The following SCN3A variants were observed in gnomAD, a reference collection of about 807,000 sequenced individuals.
SCN3A encodes sodium voltage-gated channel alpha subunit 3, also known as sodium channel protein type 3 subunit alpha.
Under a neutral mutation model 187.6 loss-of-function variants are expected in SCN3A, and 60 were observed. The ratio of observed to expected loss-of-function variants is 0.32; its 90% CI spans 0.26 to 0.40. The LOEUF is 0.40. Among genes scored for constraint, SCN3A ranks in the 10% least tolerant of loss-of-function variants. The pLI is 1.00. For missense variants in SCN3A, 1,601 were observed against 2,428.2 expected, an observed-to-expected ratio of 0.66 and a Z score of 7.16; for synonymous variants, 788 against 829.2, an observed-to-expected ratio of 0.95 and a Z score of 0.85.
At chr2:165,174,613 A>G (rs151054831) in intron 3 of SCN3A, among the ~76,000 whole-genome samples, 1,797 of 152,302 alleles carry the variant, frequency 0.012, 29 homozygotes, top group Middle Eastern at 0.044. Context: ...ACTTTTAATC[A>G]TAGCAGAGTA....
intron 6 of SCN3A, 117 bp from the exon 7 acceptor site, chr2:165,163,826 G>A (rs1338615475): frequency 1.2e-6 from 2 of 1,613,720 alleles, no homozygotes; most frequent in Admixed American, 1.7e-5. Context: ...ATAGTTTTCA[G>A]AGCTCTCAAG....
intron 11 of SCN3A, among the ~76,000 whole-genome samples, chr2:165,150,414 C>T (rs1352483074): frequency 6.6e-6 from 1 of 152,166 alleles, no homozygotes; most frequent in Non-Finnish European, 1.5e-5. Context: ...TTCCTCCTGG[C>T]TTCAACATTG....
chr2:165,201,413 T>A (rs1395683809), intron 1 of SCN3A, among the ~76,000 whole-genome samples: 2 of 152,220 alleles, frequency 1.3e-5, no homozygotes, highest in African/African-American at 4.8e-5. Flanking sequence ...GCACTAACGA[T>A]AACAATAATA....
chr2:165,192,351 A>G (rs966755824), intron 1 of SCN3A, among the ~76,000 whole-genome samples: 2 of 152,180 alleles, frequency 1.3e-5, no homozygotes, highest in African/African-American at 4.8e-5. Flanking sequence ...AAGAATGATA[A>G]TAGAGAACAG....
intron 1 of SCN3A, among the ~76,000 whole-genome samples, chr2:165,192,891 CCAAACAAATCTTG>C: frequency 6.6e-6 from 1 of 152,134 alleles, no homozygotes; most frequent in Non-Finnish European, 1.5e-5. Context: ...ATACAATTGC[CCAAACAAATCTTG>C]CAAACATTCT....
At chr2:165,184,305 A>T (rs1307775480) in intron 2 of SCN3A, among the ~76,000 whole-genome samples, 1 of 152,074 alleles carries the variant, frequency 6.6e-6, no homozygotes, top group Non-Finnish European at 1.5e-5. Context: ...ACAAAATTCT[A>T]TTGAATGATT....
intron 3 of SCN3A, among the ~76,000 whole-genome samples, chr2:165,171,010 T>A (rs1239540074): frequency 2.0e-5 from 3 of 151,992 alleles, no homozygotes; most frequent in Non-Finnish European, 4.4e-5. Context: ...TCAAACAGGT[T>A]GAATAATCTG....
chr2:165,131,119 T>G (rs531317648), intron 16 of SCN3A, 125 bp downstream of exon 16: 73 of 504,452 alleles, frequency 1.4e-4, no homozygotes, highest in Middle Eastern at 1.3e-3. Flanking sequence ...TTTACATGTT[T>G]TCTTAGAATG....
chr2:165,101,900 A>T (rs899965481), intron 21 of SCN3A, among the ~76,000 whole-genome samples: 1 of 152,232 alleles, frequency 6.6e-6, no homozygotes, highest in South Asian at 2.1e-4. Context: ...CATTTTAAGA[A>T]TTGAACAGAA....
At chr2:165,185,418 G>T (rs1347088461) in intron 2 of SCN3A, among the ~76,000 whole-genome samples, 1 of 152,190 alleles carries the variant, frequency 6.6e-6, no homozygotes, top group African/African-American at 2.4e-5. Flanking sequence ...GGAAAGGTGA[G>T]GGGACTTCAG....
At chr2:165,192,717 T>G (rs1237292164) in intron 1 of SCN3A, among the ~76,000 whole-genome samples, 1 of 152,158 alleles carries the variant, frequency 6.6e-6, no homozygotes, top group Non-Finnish European at 1.5e-5. Context: ...AACTGTCACC[T>G]CTTAAAATCC....
intron 13 of SCN3A, 162 bp from the exon 14 acceptor site, chr2:165,139,770 TAAAAAAAAG>T: frequency 1.3e-6 from 1 of 795,196 alleles, no homozygotes; most frequent in Non-Finnish European, 1.9e-6. Context: ...GTTTTTTTTT[TAAAAAAAAG>T]TTATCACAGG....
At chr2:165,146,059 C>G (rs1688301016) in intron 12 of SCN3A, among the ~76,000 whole-genome samples, 1 of 152,000 alleles carries the variant, frequency 6.6e-6, no homozygotes, top group Non-Finnish European at 1.5e-5. Flanking sequence ...TAAATCAGAG[C>G]AAAAATAGAC....
rs552937843 is a variant in SCN3A, at chr2:165,151,029, T to C, written c.1380+3423A>G. ...AACTTTCTGGCAAGCATGAGGTATA[T>C]TTTAAAATATTTTCAAGTTTCACCA... On this transcript the variant is annotated intron_variant, in intron 11 of 27. Transcript: ENST00000283254. Among the ~76,000 whole-genome samples the C allele has an allele frequency of 2.6e-5, 4 of 152,270 alleles. No homozygotes were observed. The South Asian group carries it at 8.3e-4, about 32-fold the overall frequency.
rs538753280 is a variant in SCN3A, at chr2:165,194,581, G to A, written c.-247-7834C>T. On this transcript the variant is annotated intron_variant, in intron 1 of 27. Coordinates refer to ENST00000283254, the MANE Select transcript of SCN3A (RefSeq NM_006922.4). Reference sequence around the variant, plus strand: ...TTGATAAATAATATAAATGCCTTGAGTAGAATATAACTTGAAGATCAGTTG... The same window carrying A: ...TTGATAAATAATATAAATGCCTTGAATAGAATATAACTTGAAGATCAGTTG... 7.9e-5 allele frequency among the ~76,000 whole-genome samples: 12 copies of A among 152,084 alleles called. No individual in the cohort carries two copies. The South Asian group carries it at 2.5e-3, about 32-fold the overall frequency.
intron 21 of SCN3A, among the ~76,000 whole-genome samples, chr2:165,111,251 C>T (rs1686099018): frequency 6.6e-6 from 1 of 152,158 alleles, no homozygotes; most frequent in African/African-American, 2.4e-5. Context: ...AGGAGAATCA[C>T]TTGAACCCCA....
At chr2:165,120,522 T>C (rs1331235847) in intron 18 of SCN3A, among the ~76,000 whole-genome samples, 1 of 151,924 alleles carries the variant, frequency 6.6e-6, no homozygotes, top group Non-Finnish European at 1.5e-5. Flanking sequence ...AATATTTGAC[T>C]CTCACAAACT....
chr2:165,203,492 T>A (rs944898492), intron 1 of SCN3A, among the ~76,000 whole-genome samples: 117 of 152,030 alleles, frequency 7.7e-4, no homozygotes, highest in Non-Finnish European at 1.6e-3. Context: ...TTTAAATAGA[T>A]GACATACAGC....
rs1240924179 is a variant in SCN3A at position 165,090,060 on chromosome 2, A to G, written c.*90T>C. Reference sequence around the variant, plus strand: ...TATTTGTTAAAACAGTCAGTTTGGCATGGACCTCCTCTTGAAGTCCAGTTG... The same window carrying G: ...TATTTGTTAAAACAGTCAGTTTGGCGTGGACCTCCTCTTGAAGTCCAGTTG... On this transcript the variant is annotated 3_prime_UTR_variant, in exon 28 of 28. Transcript: ENST00000283254. This position sits in a 1 kb window ranked among gnomAD's most constrained non-coding sequence, Gnocchi z 4.0. The G allele has an allele frequency of 1.3e-5, 20 of 1,530,584 alleles. 1 individual carries two copies. In the South Asian group the frequency reaches 2.2e-4, roughly 17 times the overall value. 94.8% of individuals were successfully genotyped at this position (1,530,584 alleles called of 1,614,324 possible).
Sources: gnomAD v4.1 joint callset for allele counts (sites outside exome capture counted in the v4.1 genomes callset) on GRCh38, gnomAD v4.1.1 for gene constraint, Gnocchi (gnomAD v3.1) non-coding constraint, MANE v1.5 for transcripts, NCBI Gene and HGNC (gene_info 2026-07-23, HGNC 2026-07-21) for gene names.